Variants in FBXL20 observed in about 807,000 individuals in gnomAD.
FBXL20 encodes F-box/LRR-repeat protein 20.
A neutral mutation model predicts 64.0 loss-of-function variants in FBXL20; 11 were observed. The observed-to-expected ratio is 0.17, with a 90% CI of 0.11 to 0.28. The LOEUF (loss-of-function observed/expected upper bound fraction) is 0.28, where lower values mean the gene tolerates loss of function less well. FBXL20 is among the 10% of genes least tolerant of loss of function. FBXL20 has a pLI of 1.00. For synonymous variants in FBXL20, 184 were observed against 189.0 expected, an observed-to-expected ratio of 0.97 and a Z score of 0.22; for missense variants, 303 against 526.2, an observed-to-expected ratio of 0.58 and a Z score of 4.15.
At chr17:39,312,328 C>A (rs1436329412) in intron 2 of FBXL20, among the ~76,000 whole-genome samples, 2 of 151,332 alleles carry the variant, frequency 1.3e-5, no homozygotes, top group East Asian at 4.0e-4. Context: ...GCAGGAGAAT[C>A]GCTTGAACCC....
At chr17:39,319,848 G>A (rs2047337608) in intron 2 of FBXL20, among the ~76,000 whole-genome samples, 1 of 151,918 alleles carries the variant, frequency 6.6e-6, no homozygotes. Context: ...CTGGCCTCAA[G>A]CAATCCTCCC....
At chr17:39,339,999 C>T (rs1195027528) in intron 2 of FBXL20, among the ~76,000 whole-genome samples, 2 of 151,652 alleles carry the variant, frequency 1.3e-5, no homozygotes, top group East Asian at 1.9e-4. Context: ...AGCGCAATGG[C>T]GCTCACTGCA....
At chr17:39,330,471 G>A (rs942875939) in intron 2 of FBXL20, among the ~76,000 whole-genome samples, 3 of 151,678 alleles carry the variant, frequency 2.0e-5, no homozygotes, top group South Asian at 2.1e-4. Flanking sequence ...AAAATTAGCC[G>A]GACATAGTGG....
intron 9 of FBXL20, among the ~76,000 whole-genome samples, chr17:39,275,431 A>C (rs1218567361): frequency 6.6e-6 from 1 of 151,324 alleles, no homozygotes; most frequent in Non-Finnish European, 1.5e-5. Flanking sequence ...ATTTATTTGG[A>C]GATAGAGTCT....
chr17:39,331,852 T>C (rs746694127), intron 2 of FBXL20, among the ~76,000 whole-genome samples: 2 of 152,246 alleles, frequency 1.3e-5, no homozygotes, highest in Non-Finnish European at 2.9e-5. Context: ...AATATTTCTA[T>C]TACCAGTTTT....
chr17:39,330,400 G>A (rs2144536546), intron 2 of FBXL20, among the ~76,000 whole-genome samples: 1 of 152,142 alleles, frequency 6.6e-6, no homozygotes, highest in East Asian at 1.9e-4. Context: ...GATCACATGA[G>A]GTCAGGAATT....
intron 1 of FBXL20, among the ~76,000 whole-genome samples, chr17:39,389,648 C>T (rs1041851020): frequency 2.0e-5 from 3 of 152,104 alleles, no homozygotes; most frequent in Admixed American, 6.6e-5. Flanking sequence ...GAAACCCTGT[C>T]TCTACTAAAA....
chr17:39,310,885 T>G (rs1284162380), intron 2 of FBXL20, among the ~76,000 whole-genome samples: 1 of 152,022 alleles, frequency 6.6e-6, no homozygotes, highest in Non-Finnish European at 1.5e-5. Context: ...CTTGGGAGGC[T>G]GAGGCAGAAG....
chr17:39,374,037 C>A (rs992742175), intron 1 of FBXL20, among the ~76,000 whole-genome samples: 1 of 151,954 alleles, frequency 6.6e-6, no homozygotes, highest in Non-Finnish European at 1.5e-5. Context: ...GCCTGGCCAA[C>A]ATGGCTAGAC....
At chr17:39,293,649 T>C (rs2047060507) in intron 6 of FBXL20, among the ~76,000 whole-genome samples, 2 of 152,204 alleles carry the variant, frequency 1.3e-5, no homozygotes, top group Admixed American at 1.3e-4. Context: ...ATGAATTTTC[T>C]CCATTTTGGG....
rs1184172492 is a variant in FBXL20, at chr17:39,256,966, TAACGA to T, written c.*4489_*4493del. On this transcript the variant is annotated 3_prime_UTR_variant, in exon 15 of 15. Transcript: ENST00000264658. ...TGGCATTAGTGGGCTATCAAACTAGTAACGATGCATTTTTTTCTTTCTTTCTTTCT... is the reference window on the plus strand; with the variant it reads ...TGGCATTAGTGGGCTATCAAACTAGTTGCATTTTTTTCTTTCTTTCTTTCT... The T allele has an allele frequency of 6.6e-6, 1 of 151,960 alleles. No individual in the cohort carries two copies. Among genetic ancestry groups the T allele is most frequent in the Non-Finnish European group, 1.5e-5 (1 of 68,004 alleles). 9.4% of individuals were successfully genotyped at this position (151,960 alleles called of 1,614,324 possible).
intron 1 of FBXL20, among the ~76,000 whole-genome samples, chr17:39,382,309 G>A (rs1481630856): frequency 6.6e-6 from 1 of 151,400 alleles, no homozygotes; most frequent in East Asian, 2.0e-4. Context: ...CAGGCATGGT[G>A]GCGTACGCCT....
chr17:39,314,159 A>G (rs1023317621), intron 2 of FBXL20, among the ~76,000 whole-genome samples: 1 of 152,130 alleles, frequency 6.6e-6, no homozygotes, highest in African/African-American at 2.4e-5. Context: ...CCTATTCCGC[A>G]CATTTCATAT....
In FBXL20 at chr17:39,275,115, C is replaced by G; in HGVS notation, c.697-15G>C. The G allele has an allele frequency of 3.2e-6, 5 of 1,578,298 alleles. No homozygotes were observed. Among genetic ancestry groups the G allele is most frequent in the Non-Finnish European group, 4.3e-6 (5 of 1,165,590 alleles). On this transcript the variant is annotated splice_polypyrimidine_tract_variant and intron_variant, in intron 9 of 14. Transcript: ENST00000264658. ...TCTGTGATTTGCTAAAAAACAAGAG[C>G]AAAAAAATCCATAGATATTAGTATC...
intron 3 of FBXL20, among the ~76,000 whole-genome samples, chr17:39,303,290 T>G (rs1456943409): frequency 8.5e-5 from 13 of 152,132 alleles, no homozygotes; most frequent in Non-Finnish European, 1.5e-4. Context: ...AAACAAGATT[T>G]CATCACAATT....
At chr17:39,326,344 GAACTAATCAAAGTT>G (rs1342509858) in intron 2 of FBXL20, among the ~76,000 whole-genome samples, 1 of 151,820 alleles carries the variant, frequency 6.6e-6, no homozygotes, top group Non-Finnish European at 1.5e-5. Context: ...ATAACCTAAA[GAACTAATCAAAGTT>G]AACTTAAAAA....
chr17:39,313,613 T>C (rs564535172), intron 2 of FBXL20, among the ~76,000 whole-genome samples: 39 of 152,000 alleles, frequency 2.6e-4, no homozygotes, highest in Non-Finnish European at 5.1e-4. Context: ...GCAATTATTT[T>C]TTTCCCTCAT....
chr17:39,345,875 G>A (rs1360980912), intron 1 of FBXL20, among the ~76,000 whole-genome samples: 1 of 152,108 alleles, frequency 6.6e-6, no homozygotes, highest in Non-Finnish European at 1.5e-5. Context: ...CTACGTTCCA[G>A]ATAAATGGAA....
chr17:39,359,860 C>CACAACAGCCAAA (rs1235026580), intron 1 of FBXL20, among the ~76,000 whole-genome samples: 4 of 151,984 alleles, frequency 2.6e-5, no homozygotes, highest in African/African-American at 9.7e-5. Flanking sequence ...AGCCAAAAGG[C>CACAACAGCCAAA]AGAAGTCACT....
Sources: gnomAD v4.1 joint callset for allele counts (sites outside exome capture counted in the v4.1 genomes callset) on GRCh38, gnomAD v4.1.1 for gene constraint, MANE v1.5 for transcripts, NCBI Gene and HGNC (gene_info 2026-07-23, HGNC 2026-07-21) for gene names.